The following RGS6 variants were observed in gnomAD, a reference collection of about 807,000 sequenced individuals.
RGS6 encodes the protein regulator of G protein signaling 6, also known as regulator of G-protein signaling 6.
In RGS6, 30 loss-of-function variants were observed where a neutral mutation model predicts 78.5. That is an observed-to-expected ratio of 0.38 (90% CI 0.29 to 0.52). RGS6 has a LOEUF of 0.52. Ranked by LOEUF, RGS6 falls within the 20% of genes least tolerant of loss-of-function variation. The pLI is 0.85. For synonymous variants in RGS6, 206 were observed against 206.0 expected, an observed-to-expected ratio of 1.00 and a Z score of 0.00; for missense variants, 495 against 609.7, an observed-to-expected ratio of 0.81 and a Z score of 1.98.
chr14:72,467,156 AT>A (rs958153010), intron 7 of RGS6, among the ~76,000 whole-genome samples: 2 of 151,910 alleles, frequency 1.3e-5, no homozygotes, highest in African/African-American at 4.8e-5. Flanking sequence ...TGGTTGCAAA[AT>A]TTTTCCCCCA....
chr14:72,204,853 A>G (rs1484370234), intron 2 of RGS6, among the ~76,000 whole-genome samples: 3 of 152,286 alleles, frequency 2.0e-5, no homozygotes, highest in East Asian at 3.9e-4. Context: ...CCTGCCTCAT[A>G]GTGCTGTACT....
chr14:72,143,110 A>G (rs576922653), intron 2 of RGS6, among the ~76,000 whole-genome samples: 3 of 152,296 alleles, frequency 2.0e-5, no homozygotes, highest in South Asian at 4.1e-4. Flanking sequence ...GCTCACATCT[A>G]TAATCCCAGC....
chr14:72,384,107 A>G (rs912918468), intron 3 of RGS6, among the ~76,000 whole-genome samples: 1 of 152,210 alleles, frequency 6.6e-6, no homozygotes, highest in African/African-American at 2.4e-5. Context: ...TAAGTGCCTA[A>G]CAGGGTGGAA....
intron 12 of RGS6, among the ~76,000 whole-genome samples, chr14:72,484,766 C>T (rs781669620): frequency 1.3e-5 from 2 of 152,032 alleles, no homozygotes; most frequent in Non-Finnish European, 2.9e-5. Context: ...TGTCCTCCTA[C>T]CAGGATTGGT....
At chr14:72,092,182 C>T (rs1215527231) in intron 2 of RGS6, among the ~76,000 whole-genome samples, 1 of 151,980 alleles carries the variant, frequency 6.6e-6, no homozygotes, top group Admixed American at 6.6e-5. Flanking sequence ...CACGCCACCA[C>T]ACCCAGCTAA....
intron 2 of RGS6, among the ~76,000 whole-genome samples, chr14:72,227,105 T>C (rs1188339223): frequency 3.9e-5 from 6 of 152,246 alleles, no homozygotes; most frequent in Non-Finnish European, 7.3e-5. Flanking sequence ...CAGGTGTTTG[T>C]AAAGTGATTT....
rs374670693 is a variant in RGS6, at chr14:72,030,065, G to A, written c.84+65190G>A. 4.6e-5 allele frequency among the ~76,000 whole-genome samples: 7 copies of A among 152,284 alleles called. No individual in the cohort carries two copies. In the South Asian group the frequency reaches 1.5e-3, roughly 32 times the overall value. On this transcript the variant is annotated intron_variant, in intron 2 of 17. Coordinates refer to ENST00000553525, the MANE Select transcript of RGS6 (RefSeq NM_001204424.2). Reference sequence around the variant, plus strand: ...GAGTTCTAAGATCTTCGCATTGTCTGGGAAGAAGTGGAAATGTTAATATTA... The same window carrying A: ...GAGTTCTAAGATCTTCGCATTGTCTAGGAAGAAGTGGAAATGTTAATATTA...
chr14:72,411,629 A>C (rs1333344602), intron 3 of RGS6, among the ~76,000 whole-genome samples: 2 of 152,214 alleles, frequency 1.3e-5, no homozygotes, highest in African/African-American at 4.8e-5. Context: ...GAGAGAGGGC[A>C]TCCCTGTCTT....
intron 2 of RGS6, among the ~76,000 whole-genome samples, chr14:72,070,933 C>A (rs2153455307): frequency 6.6e-6 from 1 of 152,296 alleles, no homozygotes; most frequent in South Asian, 2.1e-4. Context: ...GTGTTAATTA[C>A]TCCCTTGTTA....
intron 1 of RGS6, among the ~76,000 whole-genome samples, chr14:71,937,773 C>T (rs1054559826): frequency 1.3e-5 from 2 of 152,220 alleles, no homozygotes; most frequent in African/African-American, 4.8e-5. Context: ...TAGGCAAACC[C>T]ATATCCGGAG....
intron 3 of RGS6, among the ~76,000 whole-genome samples, chr14:72,354,882 T>C (rs2079922413): frequency 6.6e-6 from 1 of 152,174 alleles, no homozygotes; most frequent in Non-Finnish European, 1.5e-5. Flanking sequence ...AATTTTACTA[T>C]ATATATTATT....
intron 2 of RGS6, among the ~76,000 whole-genome samples, chr14:71,978,795 A>C (rs1443822586): frequency 6.6e-6 from 1 of 151,970 alleles, no homozygotes; most frequent in African/African-American, 2.4e-5. Context: ...GTTAGGGAGG[A>C]TTCCCTCTTT....
chr14:71,929,611 G>A (rs2087771717), upstream of RGS6, among the ~76,000 whole-genome samples: 2 of 152,118 alleles, frequency 1.3e-5, no homozygotes, highest in South Asian at 4.1e-4. Context: ...CATTTTTAGA[G>A]ATATGCTTTG....
intron 3 of RGS6, among the ~76,000 whole-genome samples, chr14:72,416,854 C>G (rs902364312): frequency 6.6e-6 from 1 of 152,232 alleles, no homozygotes; most frequent in Non-Finnish European, 1.5e-5. Flanking sequence ...TTCTTAATCT[C>G]TCAATGTCTC....
chr14:72,399,605 G>T (rs575086930), intron 3 of RGS6, among the ~76,000 whole-genome samples: 2 of 152,262 alleles, frequency 1.3e-5, no homozygotes, highest in Admixed American at 6.5e-5. Context: ...CTCGTTAGTT[G>T]ATGCAGTTTC....
intron 14 of RGS6, among the ~76,000 whole-genome samples, chr14:72,517,873 T>C (rs549978910): frequency 4.5e-4 from 69 of 152,316 alleles, no homozygotes; most frequent in African/African-American, 1.5e-3. Context: ...TATGTAGCAC[T>C]GGGGTTCTCA....
At chr14:72,024,889 A>G (rs569666167) in intron 2 of RGS6, among the ~76,000 whole-genome samples, 21 of 152,344 alleles carry the variant, frequency 1.4e-4, no homozygotes, top group African/African-American at 5.1e-4. Flanking sequence ...AATGTCCTAT[A>G]GAAGGAGGAC....
At chr14:71,993,734 C>G (rs972647060) in intron 2 of RGS6, among the ~76,000 whole-genome samples, 1 of 152,174 alleles carries the variant, frequency 6.6e-6, no homozygotes, top group Middle Eastern at 3.4e-3. Context: ...TTGATGTCAT[C>G]TAGAGTCTAA....
intron 3 of RGS6, among the ~76,000 whole-genome samples, chr14:72,444,185 G>T (rs1177614268): frequency 6.6e-6 from 1 of 152,130 alleles, no homozygotes; most frequent in Non-Finnish European, 1.5e-5. Flanking sequence ...CAATTGTGGG[G>T]GCTCAGGTGA....
Sources: allele counts gnomAD v4.1 joint callset (sites outside exome capture counted in the v4.1 genomes callset), GRCh38; gene constraint gnomAD v4.1.1; transcripts MANE v1.5; gene names NCBI Gene and HGNC (gene_info 2026-07-23, HGNC 2026-07-21).